The following HACD3 variants were observed in gnomAD, a reference collection of about 807,000 sequenced individuals.
The protein encoded by HACD3 is 3-hydroxyacyl-CoA dehydratase 3, also known as very-long-chain (3R)-3-hydroxyacyl-CoA dehydratase 3.
In HACD3, 30 loss-of-function variants were observed where a neutral mutation model predicts 55.2. That is an observed-to-expected ratio of 0.54 (90% CI 0.41 to 0.74). HACD3 has a LOEUF of 0.74. HACD3 is among the 30% of genes least tolerant of loss of function. HACD3 has a pLI of 0.00. For synonymous variants in HACD3, 141 were observed against 151.7 expected, an observed-to-expected ratio of 0.93 and a Z score of 0.52; for missense variants, 363 against 440.1, an observed-to-expected ratio of 0.82 and a Z score of 1.57.
intron 3 of HACD3, among the ~76,000 whole-genome samples, chr15:65,556,409 TG>T (rs1271426663): frequency 1.3e-5 from 2 of 152,160 alleles, no homozygotes; most frequent in Non-Finnish European, 2.9e-5. Flanking sequence ...ATGTGAATCT[TG>T]TGCCAATGCT....
chr15:65,537,949 AAAAAAAAAAATATATATATATATAT>A (rs1458224952), intron 1 of HACD3, among the ~76,000 whole-genome samples: 3,131 of 57,008 alleles, frequency 0.055, 182 homozygotes, highest in Non-Finnish European at 0.066. Flanking sequence ...AAAAAAAAAA[AAAAAAAAAAATATATATATATATAT>A]ATATATATAT....
intron 1 of HACD3, among the ~76,000 whole-genome samples, chr15:65,545,701 G>A (rs553828814): frequency 1.9e-4 from 29 of 151,668 alleles, no homozygotes; most frequent in Non-Finnish European, 3.1e-4. Context: ...TGATCCGCCC[G>A]CCTCGGCCTC....
intron 7 of HACD3, among the ~76,000 whole-genome samples, chr15:65,568,149 T>A (rs1046281725): frequency 1.3e-5 from 2 of 151,916 alleles, no homozygotes; most frequent in South Asian, 2.1e-4. Flanking sequence ...CTCGAACTCC[T>A]GACCCCAGGT....
intron 2 of HACD3, chr15:65,551,953 A>T (rs1596210467): frequency 2.3e-6 from 1 of 439,618 alleles, no homozygotes; most frequent in South Asian, 3.6e-5. Context: ...GGAAAAAAAA[A>T]AAAAGAATCC....
intron 1 of HACD3, among the ~76,000 whole-genome samples, chr15:65,534,053 A>G (rs1395697987): frequency 2.7e-5 from 4 of 148,254 alleles, no homozygotes; most frequent in African/African-American, 4.9e-5. Context: ...TCCGTCTCAA[A>G]AAAAAAAAAA....
At chr15:65,569,294 CG>C (rs2072325761) in intron 7 of HACD3, among the ~76,000 whole-genome samples, 1 of 151,468 alleles carries the variant, frequency 6.6e-6, no homozygotes, top group South Asian at 2.1e-4. Flanking sequence ...GTCTCTGGCC[CG>C]TAACTCTGAG....
At chr15:65,530,859 G>A (rs1261277184) in intron 1 of HACD3, 141 bp downstream of exon 1, 8 of 806,612 alleles carry the variant, frequency 9.9e-6, no homozygotes, top group Non-Finnish European at 1.5e-5. Context: ...CGCTTACGGC[G>A]TGCTGGCGCT....
At chr15:65,569,463 A>T (rs1596218824) in intron 7 of HACD3, among the ~76,000 whole-genome samples, 1 of 152,114 alleles carries the variant, frequency 6.6e-6, no homozygotes, top group Middle Eastern at 3.4e-3. Context: ...TAATCCCAGC[A>T]CTCTGGGAGG....
intron 1 of HACD3, among the ~76,000 whole-genome samples, chr15:65,540,615 G>A (rs916561031): frequency 6.6e-6 from 1 of 152,156 alleles, no homozygotes; most frequent in African/African-American, 2.4e-5. Flanking sequence ...TAGTATGTTT[G>A]GAGTGTAGTG....
intron 4 of HACD3, among the ~76,000 whole-genome samples, chr15:65,557,939 G>GT (rs11360331): frequency 0.012 from 1,321 of 110,336 alleles, 20 homozygotes; most frequent in African/African-American, 0.039. Flanking sequence ...TTATGGGACT[G>GT]TTTTTTTTTT....
At chr15:65,544,229 A>G (rs908855520) in intron 1 of HACD3, among the ~76,000 whole-genome samples, 3 of 152,142 alleles carry the variant, frequency 2.0e-5, no homozygotes, top group African/African-American at 7.2e-5. Flanking sequence ...TGAAAGTAAA[A>G]AAGAAATATA....
chr15:65,556,861 T>C lies in HACD3; in HGVS notation c.327T>C (p.Arg109=). The C allele has an allele frequency of 6.2e-7, 1 of 1,613,132 alleles. No homozygotes were observed. The highest frequency in any genetic ancestry group is 8.5e-7 in the Non-Finnish European group (1 of 1,179,534). The change falls in exon 4 of 11, where the codon CGT becomes CGC. Residue 109 remains arginine (R), a synonymous_variant. Coordinates refer to ENST00000261875, the MANE Select transcript of HACD3 (RefSeq NM_016395.4). The part of the protein sequence containing the change: ...RPLFLAPDFD[R]WLDESDAEME... The stretch of plus-strand genomic sequence containing the variant: ...TGTTTTTGGCTCCTGACTTTGATCG[T>C]TGGCTGGATGAATCTGATGCGGAAA...
chr15:65,562,651 GT>G (rs1227328420), intron 5 of HACD3, 122 bp from the exon 6 acceptor site: 12 of 1,322,612 alleles, frequency 9.1e-6, no homozygotes, highest in Middle Eastern at 2.7e-4. Flanking sequence ...CCAGGTATTT[GT>G]GTGGGAGCTT....
At position 65,570,174 on chromosome 15, in the gene HACD3, T is replaced by C; in HGVS notation, c.744T>C (p.Phe248=). 6.2e-7 allele frequency: 1 copy of C among 1,612,434 alleles called. No homozygotes were observed. Among genetic ancestry groups the C allele is most frequent in the Non-Finnish European group, 8.5e-7 (1 of 1,178,746 alleles). Residue 248 remains phenylalanine (F), a synonymous_variant, in exon 8 of 11, where the codon TTT becomes TTC. Transcript: ENST00000261875. ...MQNKAVVFFV[F]YLWSAIEIFR... ...ACAAAGCTGTGGTTTTCTTTGTGTT[T>C]TATTTGTGGAGTGCAATTGAAATTT...
chr15:65,552,547 G>T (rs555379971), intron 2 of HACD3, among the ~76,000 whole-genome samples: 1 of 152,122 alleles, frequency 6.6e-6, no homozygotes, highest in Non-Finnish European at 1.5e-5. Context: ...TGTTGTCCAG[G>T]CTGGTCTTGA....
intron 3 of HACD3, 61 bp from the exon 4 acceptor site, chr15:65,556,678 G>A (rs2072193707): frequency 6.6e-7 from 1 of 1,507,462 alleles, no homozygotes; most frequent in Non-Finnish European, 9.0e-7. Flanking sequence ...CGGCGCCCCT[G>A]GCATGGTGCT....
In HACD3 at chr15:65,537,952, AAAAAAAATATATATATATATATATATAT is replaced by A. The variant is rs1202095804; in HGVS notation, c.87+7236_87+7263del. 0.014 allele frequency among the ~76,000 whole-genome samples: 314 copies of A among 23,166 alleles called. 21 individuals are homozygous for A. In the South Asian group the frequency reaches 0.26, roughly 19 times the overall value. 15.2% of individuals were successfully genotyped at this position (23,166 alleles called of 152,430 possible). A position where few individuals can be genotyped will look rare whatever the true frequency, so the allele number is the denominator to read the frequency against. On this transcript the variant is annotated intron_variant, in intron 1 of 10. Transcript: ENST00000261875. ...CTTCTCAGAAAAAAAAAAAAAAAAAAAAAAAAATATATATATATATATATATATATATATATATATATATATATGTATA... is the reference window on the plus strand; with the variant it reads ...CTTCTCAGAAAAAAAAAAAAAAAAAAATATATATATATATATATATGTATA...
At position 65,556,803 on chromosome 15, in the gene HACD3, G is replaced by A. The variant is rs1157669469; in HGVS notation, c.269G>A (p.Trp90Ter). Residue 90 changes from tryptophan to a stop codon, truncating the protein, a stop_gained, in exon 4 of 11, where the codon TGG becomes TAG. Transcript: ENST00000261875. LOFTEE classifies it high-confidence loss of function. ...ITVQKKVSQW[W>*]ERLTKQEKRP... is the part of the protein sequence containing the mutation. ...GTACAGAAGAAAGTGAGTCAGTGGT[G>A]GGAGAGACTCACAAAGCAGGAAAAG... 1.2e-6 allele frequency: 2 copies of A among 1,612,190 alleles called. No homozygotes were observed.
intron 1 of HACD3, 53 bp from the exon 2 acceptor site, chr15:65,551,623 C>T: frequency 6.2e-7 from 1 of 1,604,664 alleles, no homozygotes; most frequent in Non-Finnish European, 8.5e-7. Flanking sequence ...TGTTTAATCT[C>T]ATTTTTTCTC....
Sources: gnomAD v4.1 joint callset for allele counts (sites outside exome capture counted in the v4.1 genomes callset) on GRCh38, gnomAD v4.1.1 for gene constraint, MANE v1.5 for transcripts, NCBI Gene and HGNC (gene_info 2026-07-23, HGNC 2026-07-21) for gene names.